Variants in ZNF831 observed in about 807,000 individuals in gnomAD.
ZNF831 encodes the protein chromosome 20 open reading frame 174.
In ZNF831, 59 loss-of-function variants were observed where a neutral mutation model predicts 95.8. The ratio of observed to expected loss-of-function variants is 0.62; its 90% CI spans 0.50 to 0.77. The LOEUF (loss-of-function observed/expected upper bound fraction) is 0.77. Among genes scored for constraint, ZNF831 ranks in the 30% least tolerant of loss-of-function variants. The pLI is 0.00. For missense variants in ZNF831, 2,205 were observed against 2,164.0 expected, an observed-to-expected ratio of 1.02 and a Z score of -0.38; for synonymous variants, 961 against 925.5, an observed-to-expected ratio of 1.04 and a Z score of -0.70.
At chr20:59,199,486 T>G (rs978542928) in intron 3 of ZNF831, among the ~76,000 whole-genome samples, 3 of 152,194 alleles carry the variant, frequency 2.0e-5, no homozygotes, top group Non-Finnish European at 2.9e-5. Context: ...ATTTATCATT[T>G]ATCATTCTTC....
chr20:59,170,761 T>TG (rs1250638645), intron 1 of ZNF831, among the ~76,000 whole-genome samples: 1 of 152,166 alleles, frequency 6.6e-6, no homozygotes, highest in Non-Finnish European at 1.5e-5. Flanking sequence ...AGGACACACG[T>TG]GGAAGGAGTC....
chr20:59,166,295 T>C (rs551220152), intron 1 of ZNF831, among the ~76,000 whole-genome samples: 1 of 151,800 alleles, frequency 6.6e-6, no homozygotes, highest in East Asian at 2.0e-4. Flanking sequence ...GTAAATAACA[T>C]TGACTCACAC....
At chr20:59,199,178 T>C (rs1984356499) in intron 3 of ZNF831, among the ~76,000 whole-genome samples, 1 of 151,828 alleles carries the variant, frequency 6.6e-6, no homozygotes, top group Non-Finnish European at 1.5e-5. Context: ...AGCCTACTTC[T>C]TGATTCATTT....
chr20:59,125,038 A>G (rs987100960), intron 1 of ZNF831, among the ~76,000 whole-genome samples: 1 of 152,206 alleles, frequency 6.6e-6, no homozygotes, highest in African/African-American at 2.4e-5. Flanking sequence ...GCCTTCTGAA[A>G]AAAATTTCCT....
intron 1 of ZNF831, among the ~76,000 whole-genome samples, chr20:59,141,510 T>C (rs1211859022): frequency 1.3e-5 from 2 of 152,252 alleles, no homozygotes; most frequent in African/African-American, 4.8e-5. Flanking sequence ...TGCACCTTTG[T>C]CAAAATCAGT....
At chr20:59,252,246 C>A (rs1339770103) in intron 4 of ZNF831, among the ~76,000 whole-genome samples, 1 of 152,166 alleles carries the variant, frequency 6.6e-6, no homozygotes. Context: ...TACCTTTCAT[C>A]AAAATAAAAG....
At chr20:59,149,265 G>A (rs763822422) in intron 2 of ZNF831, among the ~76,000 whole-genome samples, 3 of 152,158 alleles carry the variant, frequency 2.0e-5, no homozygotes, top group Non-Finnish European at 4.4e-5. Flanking sequence ...GTGTGTGGAG[G>A]TCTGATAAGC....
At chr20:59,205,449 G>T (rs1984827918) in intron 3 of ZNF831, among the ~76,000 whole-genome samples, 1 of 152,228 alleles carries the variant, frequency 6.6e-6, no homozygotes, top group Admixed American at 6.5e-5. Context: ...GCCCCAGACA[G>T]GGGAGGCAAT....
At chr20:59,126,255 C>A (rs1376994556) in intron 1 of ZNF831, among the ~76,000 whole-genome samples, 1 of 152,176 alleles carries the variant, frequency 6.6e-6, no homozygotes, top group Non-Finnish European at 1.5e-5. Flanking sequence ...TCTTTACCCT[C>A]CAAGGTGTTT....
chr20:59,144,011 T>G (rs1248091194), intron 1 of ZNF831, among the ~76,000 whole-genome samples: 2 of 152,266 alleles, frequency 1.3e-5, no homozygotes, highest in Non-Finnish European at 2.9e-5. Flanking sequence ...TGTGCCCATT[T>G]AACTCTGTTC....
chr20:59,166,891 T>G (rs912433798), intron 1 of ZNF831, among the ~76,000 whole-genome samples: 2 of 152,148 alleles, frequency 1.3e-5, no homozygotes, highest in Non-Finnish European at 2.9e-5. Context: ...TTAGAAACAT[T>G]CATGTACAAG....
At chr20:59,237,698 G>A (rs2146714317) in intron 4 of ZNF831, among the ~76,000 whole-genome samples, 1 of 152,260 alleles carries the variant, frequency 6.6e-6, no homozygotes, top group African/African-American at 2.4e-5. Flanking sequence ...CCATTTCCAT[G>A]CTTGGGATAT....
At chr20:59,128,824 C>T (rs748645234) in intron 1 of ZNF831, among the ~76,000 whole-genome samples, 1 of 152,194 alleles carries the variant, frequency 6.6e-6, no homozygotes, top group Non-Finnish European at 1.5e-5. Flanking sequence ...TGCAGTGGTG[C>T]AATCTTGGCT....
chr20:59,140,701 T>G (rs1979651454), intron 1 of ZNF831, among the ~76,000 whole-genome samples: 2 of 152,146 alleles, frequency 1.3e-5, no homozygotes, highest in Non-Finnish European at 1.5e-5. Context: ...GTGACCCAGT[T>G]TCTCCACATC....
At chr20:59,195,522 G>A (rs1196697024) in intron 2 of ZNF831, among the ~76,000 whole-genome samples, 1 of 152,192 alleles carries the variant, frequency 6.6e-6, no homozygotes, top group East Asian at 1.9e-4. Flanking sequence ...CATCTTGAGA[G>A]TAGCGGGTTA....
chr20:59,127,924 G>C (rs1003116288), intron 1 of ZNF831, among the ~76,000 whole-genome samples: 2 of 152,334 alleles, frequency 1.3e-5, no homozygotes, highest in Non-Finnish European at 2.9e-5. Flanking sequence ...TCAGGGCAGT[G>C]CCCATATGGT....
In ZNF831 at chr20:59,205,393, C is replaced by A. The variant is rs112176282; in HGVS notation, c.3876-1512C>A. On this transcript the variant is annotated intron_variant, in intron 3 of 5. Coordinates refer to ENST00000371030, the MANE Select transcript of ZNF831 (RefSeq NM_178457.3). ...ACAAACCAGCCACCACTGCCTCCCC[C>A]ACCAAACTAACCTCCCCTCCCCCCA... Among the ~76,000 whole-genome samples the A allele has an allele frequency of 8.0e-3, 1,216 of 152,286 alleles. 20 individuals are homozygous for A. The highest frequency in any genetic ancestry group is 0.027 in the African/African-American group (1,112 of 41,558).
At chr20:59,240,730 A>C (rs1987285502) in intron 4 of ZNF831, among the ~76,000 whole-genome samples, 1 of 152,134 alleles carries the variant, frequency 6.6e-6, no homozygotes, top group Admixed American at 6.6e-5. Flanking sequence ...TGAACCCGGG[A>C]GGCGGAGCTT....
At chr20:59,184,982 C>A (rs1187354016) in intron 1 of ZNF831, among the ~76,000 whole-genome samples, 1 of 152,144 alleles carries the variant, frequency 6.6e-6, no homozygotes, top group African/African-American at 2.4e-5. Context: ...ATGAGGGATG[C>A]GCCAAGTTCC....
Sources: gnomAD v4.1 joint callset for allele counts (sites outside exome capture counted in the v4.1 genomes callset) on GRCh38, gnomAD v4.1.1 for gene constraint, MANE v1.5 for transcripts, NCBI Gene and HGNC (gene_info 2026-07-23, HGNC 2026-07-21) for gene names.